Variants in UBE2E2 observed in about 807,000 individuals in gnomAD.
The protein encoded by UBE2E2 is ubiquitin-conjugating enzyme E2 E2.
UBE2E2 carries 6 observed loss-of-function variants against 24.7 expected under a neutral mutation model. That is an observed-to-expected ratio of 0.24 (90% CI 0.13 to 0.48). The LOEUF (loss-of-function observed/expected upper bound fraction) is 0.48. Ranked by LOEUF, UBE2E2 falls within the 20% of genes least tolerant of loss-of-function variation. The pLI is 0.99. For missense variants in UBE2E2, 169 were observed against 245.0 expected (o/e 0.69, Z 2.07); for synonymous variants, 104 against 83.6 (o/e 1.24, Z -1.33).
intron 3 of UBE2E2, among the ~76,000 whole-genome samples, chr3:23,309,970 C>G (rs1233652411): frequency 6.6e-6 from 1 of 152,070 alleles, no homozygotes; most frequent in African/African-American, 2.4e-5. Context: ...GTCACAGAAG[C>G]TATCTAAAAA....
chr3:23,584,928 G>A (rs1696584055), intron 5 of UBE2E2, among the ~76,000 whole-genome samples: 1 of 152,052 alleles, frequency 6.6e-6, no homozygotes, highest in African/African-American at 2.4e-5. Flanking sequence ...TGACAGGTAT[G>A]TACTCTTTGC....
chr3:23,400,610 A>G (rs1191408773), intron 3 of UBE2E2, among the ~76,000 whole-genome samples: 2 of 100,136 alleles, frequency 2.0e-5, no homozygotes. Context: ...TAAATGAAAC[A>G]CACACACACA....
At chr3:23,358,978 G>C (rs1365711629) in intron 3 of UBE2E2, among the ~76,000 whole-genome samples, 2 of 152,176 alleles carry the variant, frequency 1.3e-5, no homozygotes, top group Admixed American at 6.5e-5. Context: ...GAATCCACAT[G>C]TATGTTCTTT....
chr3:23,573,801 G>A (rs1439080849), intron 5 of UBE2E2, among the ~76,000 whole-genome samples: 1 of 152,098 alleles, frequency 6.6e-6, no homozygotes. Flanking sequence ...GGCAATGTAC[G>A]CCAATATGGG....
intron 3 of UBE2E2, among the ~76,000 whole-genome samples, chr3:23,316,658 C>G (rs1323539514): frequency 1.3e-5 from 2 of 151,678 alleles, no homozygotes; most frequent in African/African-American, 4.8e-5. Flanking sequence ...CTACTTTTCT[C>G]AAGCAGAAGG....
intron 3 of UBE2E2, among the ~76,000 whole-genome samples, chr3:23,308,722 G>T (rs1248544884): frequency 1.3e-5 from 2 of 152,124 alleles, no homozygotes; most frequent in African/African-American, 2.4e-5. Flanking sequence ...AAGAGAATTT[G>T]TTAGGGAGAA....
At chr3:23,421,970 A>T (rs1170710926) in intron 3 of UBE2E2, among the ~76,000 whole-genome samples, 6 of 152,226 alleles carry the variant, frequency 3.9e-5, no homozygotes, top group African/African-American at 1.2e-4. Flanking sequence ...ATGTGGTATA[A>T]TGGTAGCAGA....
At chr3:23,458,427 GT>G (rs1225690077) in intron 3 of UBE2E2, among the ~76,000 whole-genome samples, 1 of 139,862 alleles carries the variant, frequency 7.1e-6, no homozygotes, top group African/African-American at 3.3e-5. Context: ...GGTGGTGGTG[GT>G]TGTTGTTGTT....
intron 3 of UBE2E2, among the ~76,000 whole-genome samples, chr3:23,353,373 A>T (rs1695825605): frequency 6.6e-6 from 1 of 152,026 alleles, no homozygotes. Flanking sequence ...ATAGTGTTGG[A>T]AGTTCTGGCC....
intron 3 of UBE2E2, among the ~76,000 whole-genome samples, chr3:23,456,291 C>T (rs1412067482): frequency 6.6e-6 from 1 of 152,196 alleles, no homozygotes. Context: ...TTGGAATCAA[C>T]TTCTATCAAG....
chr3:23,503,222 C>T (rs1359728743), intron 4 of UBE2E2, among the ~76,000 whole-genome samples: 2 of 150,984 alleles, frequency 1.3e-5, no homozygotes, highest in Non-Finnish European at 2.9e-5. Context: ...ATAGAGTTCG[C>T]TCTTTTGCCT....
intron 3 of UBE2E2, among the ~76,000 whole-genome samples, chr3:23,263,874 T>C (rs1697968035): frequency 6.6e-6 from 1 of 152,172 alleles, no homozygotes; most frequent in Non-Finnish European, 1.5e-5. Flanking sequence ...CATAGGTCAG[T>C]TGTATCTTAG....
At chr3:23,499,811 A>T in intron 4 of UBE2E2, 71 bp downstream of exon 4, 1 of 1,531,754 alleles carries the variant, frequency 6.5e-7, no homozygotes, top group Non-Finnish European at 8.8e-7. Context: ...TTATTCTTAA[A>T]TATGCATTCT....
chr3:23,216,385 T>C (rs955345270), intron 2 of UBE2E2, among the ~76,000 whole-genome samples: 6 of 152,172 alleles, frequency 3.9e-5, no homozygotes, highest in Admixed American at 2.6e-4. Context: ...AAAGATACTT[T>C]AATCAGTTAT....
chr3:23,511,831 C>A (rs1301172542), intron 4 of UBE2E2, among the ~76,000 whole-genome samples: 1 of 152,138 alleles, frequency 6.6e-6, no homozygotes, highest in Non-Finnish European at 1.5e-5. Flanking sequence ...GAAAAAACCT[C>A]ATTTGTTGTT....
chr3:23,558,546 G>A (rs1695844868), intron 5 of UBE2E2, among the ~76,000 whole-genome samples: 1 of 127,652 alleles, frequency 7.8e-6, no homozygotes, highest in African/African-American at 3.0e-5. Context: ...CAACTTATCA[G>A]CAGATTTTTT....
rs200365405 is a variant in UBE2E2 at position 23,478,893 on chromosome 3, TATA to T, written c.228-20714_228-20712del. Reference sequence around the variant, plus strand: ...CCATCTGTACAAATATATATATATATATATTTTTTTTTTAATTAGCTGAGCATG... The same window carrying T: ...CCATCTGTACAAATATATATATATATTTTTTTTTTTAATTAGCTGAGCATG... On this transcript the variant is annotated intron_variant, in intron 3 of 5. Coordinates refer to ENST00000396703, the MANE Select transcript of UBE2E2 (RefSeq NM_152653.4). Among the ~76,000 whole-genome samples the T allele has an allele frequency of 3.6e-3, 157 of 43,176 alleles. 3 individuals are homozygous for T. The East Asian group carries it at 0.051, about 14-fold the overall frequency. 28.3% of individuals were successfully genotyped at this position (43,176 alleles called of 152,430 possible).
Position 23,407,656 on chromosome 3 carries a change from T to C in UBE2E2, c.228-91952T>C, listed in dbSNP as rs1697396814. ...GTGTGTGCATGCGTGCATGTGTGTG[T>C]GTGTGTGTGTGTGTGTGTGTGTGTG... On this transcript the variant is annotated intron_variant, in intron 3 of 5. Coordinates refer to ENST00000396703, the MANE Select transcript of UBE2E2 (RefSeq NM_152653.4). The surrounding 1 kb of genome is among the most constrained non-coding windows in gnomAD (Gnocchi z 4.0). 6.9e-6 allele frequency among the ~76,000 whole-genome samples: 1 copy of C among 145,622 alleles called. No homozygotes were observed. The highest frequency in any genetic ancestry group is 2.6e-5 in the African/African-American group (1 of 38,526).
intron 3 of UBE2E2, among the ~76,000 whole-genome samples, chr3:23,368,288 C>T (rs1405779570): frequency 1.3e-5 from 2 of 152,080 alleles, no homozygotes; most frequent in East Asian, 3.9e-4. Flanking sequence ...TAATAGCTGC[C>T]ATTTGTAAAG....
Sources: gnomAD v4.1 joint callset for allele counts (sites outside exome capture counted in the v4.1 genomes callset) on GRCh38, gnomAD v4.1.1 for gene constraint, Gnocchi (gnomAD v3.1) non-coding constraint, MANE v1.5 for transcripts, NCBI Gene and HGNC (gene_info 2026-07-23, HGNC 2026-07-21) for gene names.